The following STAB2 variants were observed in gnomAD, a reference collection of about 807,000 sequenced individuals.
STAB2 encodes the protein stabilin-2.
In STAB2, 288 loss-of-function variants were observed where a neutral mutation model predicts 338.1. The observed-to-expected ratio is 0.85, with a 90% CI of 0.77 to 0.94. The LOEUF is 0.94. STAB2 is among the 40% of genes least tolerant of loss of function. The pLI, the probability that STAB2 is intolerant of heterozygous loss-of-function variation, is 0.00. For missense variants in STAB2, 3,141 were observed against 3,210.1 expected (o/e 0.98, Z 0.52); for synonymous variants, 1,202 against 1,193.3 (o/e 1.01, Z -0.15).
At chr12:103,660,204 C>A in intron 15 of STAB2, 127 bp from the exon 16 acceptor site, 1 of 992,214 alleles carries the variant, frequency 1.0e-6, no homozygotes, top group Non-Finnish European at 1.6e-6. Context: ...GTTTCTCTCA[C>A]CCTGGATTTC....
Position 103,612,967 on chromosome 12 carries a change from G to C in STAB2, c.332-7501G>C, listed in dbSNP as rs143412711. ...TGGAGGTCCACTCCAGATCCTGTTT[G>C]CCTGGGCATCAGCAGCAGAGGCTGC... On this transcript the variant is annotated intron_variant, in intron 3 of 68. Transcript: ENST00000388887. Among the ~76,000 whole-genome samples, 222 of 152,348 alleles carry C rather than the reference G, an allele frequency of 1.5e-3. 6 individuals carry two copies. In the East Asian group the frequency reaches 0.038, roughly 26 times the overall value.
chr12:103,716,885 A>G (rs2139024676), intron 43 of STAB2, among the ~76,000 whole-genome samples: 1 of 152,280 alleles, frequency 6.6e-6, no homozygotes, highest in Non-Finnish European at 1.5e-5. Context: ...TGAGAACAAG[A>G]CGTTAGCTGA....
chr12:103,639,609 T>C (rs918270676), intron 8 of STAB2, among the ~76,000 whole-genome samples: 3 of 142,714 alleles, frequency 2.1e-5, no homozygotes, highest in Non-Finnish European at 4.5e-5. Context: ...AAGACTGAGG[T>C]GGGAGAATCA....
chr12:103,594,551 G>A (rs1248106681), intron 3 of STAB2, 41 bp downstream of exon 3: 8 of 1,466,878 alleles, frequency 5.5e-6, no homozygotes, highest in Middle Eastern at 1.7e-4. Context: ...TTGCTTCTTG[G>A]TATCTCATTT....
At chr12:103,743,459 G>A (rs1019954844) in intron 56 of STAB2, among the ~76,000 whole-genome samples, 6 of 152,150 alleles carry the variant, frequency 3.9e-5, no homozygotes, top group African/African-American at 1.4e-4. Flanking sequence ...AGGTAGAAGG[G>A]TGAAGAATGA....
chr12:103,725,198 T>C, intron 45 of STAB2, 104 bp downstream of exon 45: 1 of 1,491,772 alleles, frequency 6.7e-7, no homozygotes, highest in Non-Finnish European at 9.0e-7. Flanking sequence ...TGTAAAGCGC[T>C]ATAAAAATAT....
rs372337014 is a variant in STAB2 at position 103,742,476 on chromosome 12, G to A, written c.5953G>A (p.Glu1985Lys). The change falls in exon 56 of 69, where the codon GAG becomes AAG. Residue 1985 changes from glutamate (E) to lysine (K), a missense_variant. Transcript: ENST00000388887. ...VCLDQYSATG[E>K]CKCNTGFNGT... ...CCTTGATCAGTACTCGGCCACCGGA[G>A]AGTGTAAATGCAACACCGGCTTCAA... The A allele has an allele frequency of 3.1e-6, 5 of 1,614,038 alleles. No individual in the cohort carries two copies. The highest frequency in any genetic ancestry group is 4.2e-6 in the Non-Finnish European group (5 of 1,180,040).
chr12:103,762,130 C>G (rs1346563904), intron 66 of STAB2, 144 bp from the exon 67 acceptor site: 2 of 1,093,640 alleles, frequency 1.8e-6, no homozygotes, highest in Non-Finnish European at 2.6e-6. Flanking sequence ...GTATTAGACC[C>G]TGGCAGTAAT....
intron 15 of STAB2, among the ~76,000 whole-genome samples, chr12:103,657,368 CTTAAAA>C (rs1215589407): frequency 7.2e-5 from 11 of 152,124 alleles, no homozygotes; most frequent in African/African-American, 9.6e-5. Context: ...CTATGACACA[CTTAAAA>C]TTAAAATAAA....
At chr12:103,762,546 C>G in intron 67 of STAB2, 144 bp downstream of exon 67, 1 of 1,246,350 alleles carries the variant, frequency 8.0e-7, no homozygotes, top group Non-Finnish European at 1.1e-6. Context: ...CCACCCACCC[C>G]ACGCTTACTG....
intron 52 of STAB2, 36 bp from the exon 53 acceptor site, chr12:103,737,595 TCTC>T (rs761342935): frequency 4.3e-6 from 6 of 1,390,108 alleles, no homozygotes; most frequent in South Asian, 1.3e-5. Flanking sequence ...TCTCTCTCTC[TCTC>T]TCTTTCTCTT....
intron 3 of STAB2, among the ~76,000 whole-genome samples, chr12:103,598,300 C>T (rs945918501): frequency 6.6e-6 from 1 of 152,126 alleles, no homozygotes; most frequent in African/African-American, 2.4e-5. Flanking sequence ...ACAGAGAAGT[C>T]CCTGGTCTCT....
chr12:103,727,353 G>A lies in STAB2; in HGVS notation c.4935+3G>A, dbSNP rs770294075. 3.7e-6 allele frequency: 6 copies of A among 1,614,084 alleles called. No homozygotes were observed. Among genetic ancestry groups the A allele is most frequent in the South Asian group, 3.3e-5 (3 of 91,084 alleles). Reference sequence around the variant, plus strand: ...CAGCCTTTGATGAGGAAGCTCGGGTGAGCATGAGACTGTGGGCAGAAGGGG... The same window carrying A: ...CAGCCTTTGATGAGGAAGCTCGGGTAAGCATGAGACTGTGGGCAGAAGGGG... On this transcript the variant is annotated splice_donor_region_variant and intron_variant, in intron 47 of 68. Transcript: ENST00000388887.
At chr12:103,618,304 G>A (rs1957242551) in intron 3 of STAB2, among the ~76,000 whole-genome samples, 1 of 152,124 alleles carries the variant, frequency 6.6e-6, no homozygotes, top group South Asian at 2.1e-4. Context: ...CTTCCACCAA[G>A]TGAAGATACA....
intron 18 of STAB2, among the ~76,000 whole-genome samples, chr12:103,663,374 T>G (rs1874790153): frequency 6.8e-6 from 1 of 147,944 alleles, no homozygotes; most frequent in Non-Finnish European, 1.5e-5. Context: ...TAGGGAAGAA[T>G]GTTTCTTTCC....
intron 30 of STAB2, among the ~76,000 whole-genome samples, chr12:103,691,918 G>GT (rs1877972047): frequency 7.6e-6 from 1 of 132,026 alleles, no homozygotes; most frequent in African/African-American, 2.8e-5. Flanking sequence ...GAGTGGGTGG[G>GT]TGGGTGGGTT....
chr12:103,751,616 TA>T (rs1041622720), intron 60 of STAB2, among the ~76,000 whole-genome samples: 3 of 152,082 alleles, frequency 2.0e-5, no homozygotes, highest in Non-Finnish European at 4.4e-5. Context: ...AGCATGGGGA[TA>T]AAAATGCACA....
At chr12:103,640,615 G>A (rs894730695) in intron 9 of STAB2, among the ~76,000 whole-genome samples, 4 of 152,192 alleles carry the variant, frequency 2.6e-5, no homozygotes, top group African/African-American at 9.7e-5. Context: ...CCTCACTCAT[G>A]ACATATTGCT....
intron 3 of STAB2, among the ~76,000 whole-genome samples, chr12:103,617,932 T>C (rs1957235834): frequency 1.3e-5 from 2 of 152,190 alleles, no homozygotes; most frequent in Non-Finnish European, 2.9e-5. Context: ...ATATTCTGGA[T>C]GCAGGAAGGA....
Sources: allele counts gnomAD v4.1 joint callset (sites outside exome capture counted in the v4.1 genomes callset), GRCh38; gene constraint gnomAD v4.1.1; transcripts MANE v1.5; gene names NCBI Gene and HGNC (gene_info 2026-07-23, HGNC 2026-07-21).